The following NAPB variants were observed in gnomAD, a reference collection of about 807,000 sequenced individuals.
NAPB encodes beta-soluble NSF attachment protein.
A neutral mutation model predicts 44.7 loss-of-function variants in NAPB; 26 were observed. The observed-to-expected ratio is 0.58, with a 90% CI of 0.43 to 0.81. NAPB has a LOEUF of 0.81. Among genes scored for constraint, NAPB ranks in the 30% least tolerant of loss-of-function variants. The pLI is 0.00. For missense variants in NAPB, 315 were observed against 356.4 expected (o/e 0.88, Z 0.94); for synonymous variants, 120 against 116.8 (o/e 1.03, Z -0.18).
In NAPB at chr20:23,397,065, G is replaced by A; in HGVS notation, c.295+7C>T. ...GAGATAGCATGCTACATGCCTGGCT[G>A]TCTTACCTTGGGGATCTGCCTTTTT... is the stretch of plus-strand genomic sequence containing the variant. On this transcript the variant is annotated splice_region_variant and intron_variant, in intron 3 of 10. Transcript: ENST00000377026. 2.5e-6 allele frequency: 4 copies of A among 1,612,178 alleles called. No individual in the cohort carries two copies. Among genetic ancestry groups the A allele is most frequent in the Non-Finnish European group, 2.5e-6 (3 of 1,178,498 alleles).
intron 5 of NAPB, among the ~76,000 whole-genome samples, chr20:23,393,898 C>A (rs899732974): frequency 6.6e-6 from 1 of 152,164 alleles, no homozygotes; most frequent in Non-Finnish European, 1.5e-5. Flanking sequence ...CAGAGGAAAT[C>A]GTGGATACAA....
intron 5 of NAPB, among the ~76,000 whole-genome samples, chr20:23,393,415 T>C (rs993604534): frequency 6.6e-6 from 1 of 152,188 alleles, no homozygotes; most frequent in Non-Finnish European, 1.5e-5. Context: ...ACGTTAACAA[T>C]GCCAGTCCAA....
chr20:23,381,293 G>A lies in NAPB; in HGVS notation c.586C>T (p.Pro196Ser), dbSNP rs1982985465. The A allele has an allele frequency of 6.3e-7, 1 of 1,598,730 alleles. No individual in the cohort carries two copies. The change falls in exon 8 of 11, where the codon CCT becomes TCT. Residue 196 changes from proline to serine, a missense_variant. Transcript: ENST00000377026. Reference sequence around the variant, plus strand: ...TCCTTTGCACTGTATTTCAACAAAGGATTATCCATTGTGTTTGCCCCAACC... The same window carrying A: ...TCCTTTGCACTGTATTTCAACAAAGAATTATCCATTGTGTTTGCCCCAACC... ...EQVGANTMDN[P>S]LLKYSAKDYF...
At position 23,377,186 on chromosome 20, in the gene NAPB, A is replaced by G. The variant is rs539352770; in HGVS notation, c.*190T>C. 1.9e-5 allele frequency: 7 copies of G among 372,956 alleles called. No individual in the cohort carries two copies. Among genetic ancestry groups the G allele is most frequent in the Non-Finnish European group, 3.4e-5 (7 of 207,230 alleles). The allele number at this position is 372,956 out of a possible 1,614,324, so 23.1% of individuals were successfully genotyped here. On this transcript the variant is annotated 3_prime_UTR_variant, in exon 11 of 11. Transcript: ENST00000377026. ...AAGCATGAAACAACCCATCATTACC[A>G]CAAGATGAACAGGAGCCTCTCCTTC...
intron 3 of NAPB, 83 bp downstream of exon 3, chr20:23,396,989 C>A: frequency 1.4e-6 from 2 of 1,408,860 alleles, no homozygotes; most frequent in South Asian, 3.1e-5. Flanking sequence ...TGAAAGCACA[C>A]CAACACTGAC....
rs1340164395 is a variant in NAPB, at chr20:23,375,574, G to C, written c.*1802C>G. 6.6e-6 allele frequency: 1 copy of C among 152,176 alleles called. No individual in the cohort carries two copies. The highest frequency in any genetic ancestry group is 2.4e-5 in the African/African-American group (1 of 41,442). The allele number at this position is 152,176 out of a possible 1,614,324, so 9.4% of individuals were successfully genotyped here. On this transcript the variant is annotated 3_prime_UTR_variant, in exon 11 of 11. Transcript: ENST00000377026. ...TTTTTTCATAAGAGATTCTAAGAGG[G>C]AGTGAAAAAGTACCAACTGGACTCC...
chr20:23,401,057 A>G (rs1984801130), intron 2 of NAPB, among the ~76,000 whole-genome samples: 1 of 152,156 alleles, frequency 6.6e-6, no homozygotes, highest in South Asian at 2.1e-4. Context: ...GACCTCACCA[A>G]TAAGTTGACA....
chr20:23,409,770 C>T (rs1313910013), intron 1 of NAPB, among the ~76,000 whole-genome samples: 1 of 152,116 alleles, frequency 6.6e-6, no homozygotes, highest in Non-Finnish European at 1.5e-5. Context: ...ACCCATAATC[C>T]GTGCCTACAG....
intron 1 of NAPB, among the ~76,000 whole-genome samples, chr20:23,413,678 G>A (rs567583433): frequency 9.2e-5 from 14 of 152,160 alleles, no homozygotes; most frequent in African/African-American, 3.4e-4. Flanking sequence ...TTAAAAGTCA[G>A]AAAAGACTAC....
At chr20:23,377,822 T>G (rs1982642242) in intron 10 of NAPB, among the ~76,000 whole-genome samples, 1 of 152,194 alleles carries the variant, frequency 6.6e-6, no homozygotes, top group Non-Finnish European at 1.5e-5. Flanking sequence ...AAATTAATAC[T>G]CACTGAACAT....
intron 5 of NAPB, among the ~76,000 whole-genome samples, chr20:23,394,630 A>C (rs1446138279): frequency 6.6e-6 from 1 of 152,228 alleles, no homozygotes; most frequent in Non-Finnish European, 1.5e-5. Context: ...TAGAGTACTA[A>C]GCAATACAGC....
intron 2 of NAPB, among the ~76,000 whole-genome samples, chr20:23,402,001 AAACT>A (rs1214910319): frequency 6.6e-6 from 1 of 152,252 alleles, no homozygotes; most frequent in African/African-American, 2.4e-5. Flanking sequence ...AATGTGAAAC[AAACT>A]GTTTTCTCCA....
At chr20:23,407,667 TA>T (rs146073080) in intron 1 of NAPB, among the ~76,000 whole-genome samples, 22 of 152,158 alleles carry the variant, frequency 1.4e-4, no homozygotes, top group African/African-American at 5.3e-4. Flanking sequence ...ACTAAGGAAA[TA>T]AACTTCTTGC....
intron 2 of NAPB, among the ~76,000 whole-genome samples, chr20:23,398,844 C>CA (rs1032230653): frequency 5.2e-4 from 61 of 116,734 alleles, no homozygotes; most frequent in African/African-American, 1.5e-3. Context: ...ACTCTTGTCT[C>CA]AAAAAAAAAA....
chr20:23,375,864 C>T lies in NAPB; in HGVS notation c.*1512G>A, dbSNP rs983443859. On this transcript the variant is annotated 3_prime_UTR_variant, in exon 11 of 11. Coordinates refer to ENST00000377026, the MANE Select transcript of NAPB (RefSeq NM_022080.3). ...CTCGTGGCCACCTGATGTGGATCCT[C>T]TACAGTCTGTCCTTGGCTGGCCCTT... 3 of 152,448 alleles carry T rather than the reference C, an allele frequency of 2.0e-5. No homozygotes were observed. The highest frequency in any genetic ancestry group is 7.2e-5 in the African/African-American group (3 of 41,460). The allele number at this position is 152,448 out of a possible 1,614,324, so 9.4% of individuals were successfully genotyped here. A position where few individuals can be genotyped will look rare whatever the true frequency, so the allele number is the denominator to read the frequency against.
At chr20:23,413,710 T>C (rs893586197) in intron 1 of NAPB, among the ~76,000 whole-genome samples, 2 of 152,102 alleles carry the variant, frequency 1.3e-5, no homozygotes, top group African/African-American at 4.8e-5. Context: ...CAAATACATT[T>C]TTTAAAACTT....
intron 8 of NAPB, chr20:23,380,699 A>C (rs1982930012): frequency 6.5e-6 from 1 of 152,964 alleles, no homozygotes; most frequent in African/African-American, 2.4e-5. Flanking sequence ...ATTTTTTTAT[A>C]TTTTTAGTAG....
intron 5 of NAPB, among the ~76,000 whole-genome samples, chr20:23,390,938 G>A (rs980179582): frequency 1.3e-5 from 2 of 152,188 alleles, no homozygotes; most frequent in African/African-American, 2.4e-5. Flanking sequence ...AGAAGAAACA[G>A]AGATCACAGG....
intron 1 of NAPB, among the ~76,000 whole-genome samples, chr20:23,406,175 C>T (rs1255827505): frequency 1.3e-5 from 2 of 152,176 alleles, no homozygotes; most frequent in African/African-American, 2.4e-5. Flanking sequence ...GACTTTCCAG[C>T]CCCCAAAAAC....
Sources: allele counts gnomAD v4.1 joint callset (sites outside exome capture counted in the v4.1 genomes callset), GRCh38; gene constraint gnomAD v4.1.1; transcripts MANE v1.5; gene names NCBI Gene and HGNC (gene_info 2026-07-23, HGNC 2026-07-21).